CCDC171: variants seen among roughly 807,000 people sequenced by gnomAD.
CCDC171 encodes coiled-coil domain containing 171.
A neutral mutation model predicts 168.2 loss-of-function variants in CCDC171; 177 were observed. That is an observed-to-expected ratio of 1.05 (90% CI 0.93 to 1.19). The LOEUF is 1.19. Ranked by LOEUF, CCDC171 falls within the 50% of genes most tolerant of loss-of-function variation. The probability of loss-of-function intolerance (pLI) is 0.00; values close to 1 mark genes in which losing one functional copy is unlikely to be tolerated. For missense variants in CCDC171, 1,991 were observed against 1,539.0 expected (o/e 1.29, Z -4.91); for synonymous variants, 687 against 540.8 (o/e 1.27, Z -3.75).
At position 15,678,789 on chromosome 9, in the gene CCDC171, A is replaced by G. The variant is rs1190741022; in HGVS notation, c.1108A>G (p.Lys370Glu). 5 of 1,591,512 alleles carry G rather than the reference A, an allele frequency of 3.1e-6. No homozygotes were observed. In the South Asian group the frequency reaches 5.8e-5, roughly 19 times the overall value. The change falls in exon 10 of 26, where the codon AAA becomes GAA. Residue 370 changes from lysine (K) to glutamate (E), a missense_variant. Lys to Glu is a moderately conservative substitution (Grantham distance 56, BLOSUM62 1). Transcript: ENST00000380701. Reference protein sequence around the residue: ...LEKEYFSKNKKLNEDIEEQKK... With the variant: ...LEKEYFSKNKELNEDIEEQKK... ...AAAAGAGTATTTCTCCAAAAATAAGAAACTAAATGAAGACATCGAGGAACA... is the reference window on the plus strand; with the variant it reads ...AAAAGAGTATTTCTCCAAAAATAAGGAACTAAATGAAGACATCGAGGAACA...
intron 23 of CCDC171, among the ~76,000 whole-genome samples, chr9:15,860,749 C>T (rs547126155): frequency 6.6e-6 from 1 of 151,928 alleles, no homozygotes; most frequent in South Asian, 2.1e-4. Context: ...GAACGGTCTA[C>T]GTATGTTCAT....
rs549899489 is a variant in CCDC171 at position 15,637,345 on chromosome 9, G to A, written c.822+13932G>A. ...TTAAGGTGTGGTTGTGCACAACCCG[G>A]TATTGACTTTTTTCTGTAAAATACT... On this transcript the variant is annotated intron_variant, in intron 7 of 25. Coordinates refer to ENST00000380701, the MANE Select transcript of CCDC171 (RefSeq NM_173550.4). 1.4e-3 allele frequency among the ~76,000 whole-genome samples: 210 copies of A among 152,056 alleles called. 1 individual carries two copies. The highest frequency in any genetic ancestry group is 4.3e-3 in the African/African-American group (180 of 41,468).
In CCDC171 at chr9:15,821,748, G is replaced by A. The variant is rs369352935; in HGVS notation, c.3268-24954G>A. 1.7e-5 allele frequency among the ~76,000 whole-genome samples: 2 copies of A among 116,580 alleles called. 1 individual carries two copies. Among genetic ancestry groups the A allele is most frequent in the Non-Finnish European group, 3.8e-5 (2 of 52,182 alleles). The allele number at this position is 116,580 out of a possible 152,430, so 76.5% of individuals were successfully genotyped here. A position where few individuals can be genotyped will look rare whatever the true frequency, so the allele number is the denominator to read the frequency against. On this transcript the variant is annotated intron_variant, in intron 21 of 25. Coordinates refer to ENST00000380701, the MANE Select transcript of CCDC171 (RefSeq NM_173550.4). ...GGGAAGAATCAATATCGTGAAAATGGCCATACTGCCCAAGGTAATTTATAC... is the reference window on the plus strand; with the variant it reads ...GGGAAGAATCAATATCGTGAAAATGACCATACTGCCCAAGGTAATTTATAC...
downstream of CCDC171, among the ~76,000 whole-genome samples, chr9:15,977,698 ATGT>A (rs1047905513): frequency 6.6e-6 from 1 of 152,150 alleles, no homozygotes; most frequent in Non-Finnish European, 1.5e-5. Flanking sequence ...GGCTCCAGAA[ATGT>A]TGTGCGGCTA....
chr9:15,623,435 T>G (rs1245542807), intron 7 of CCDC171, 22 bp downstream of exon 7: 1 of 1,520,260 alleles, frequency 6.6e-7, no homozygotes, highest in Admixed American at 1.8e-5. Flanking sequence ...CATTCCTTTA[T>G]AATATATATG....
At position 15,913,958 on chromosome 9, in the gene CCDC171, G is replaced by A. The variant is rs1824098574; in HGVS notation, c.3601-6312G>A. ...TCCACTCCAGACCCTGTTTGCCTAG[G>A]TATCACCAACAGAGGCTGCAGAACA... On this transcript the variant is annotated intron_variant, in intron 24 of 25. Transcript: ENST00000380701. Among the ~76,000 whole-genome samples, 3 of 152,198 alleles carry A rather than the reference G, an allele frequency of 2.0e-5. No homozygotes were observed. The South Asian group carries it at 6.2e-4, about 31-fold the overall frequency.
intron 24 of CCDC171, among the ~76,000 whole-genome samples, chr9:15,880,839 GA>G: frequency 6.6e-6 from 1 of 152,122 alleles, no homozygotes; most frequent in African/African-American, 2.4e-5. Flanking sequence ...TTGTGGAATC[GA>G]AAATAATGTT....
At chr9:15,874,000 GCAAA>G (rs1817522881) in intron 23 of CCDC171, among the ~76,000 whole-genome samples, 1 of 152,164 alleles carries the variant, frequency 6.6e-6, no homozygotes, top group East Asian at 1.9e-4. Context: ...AGTGAAAAGG[GCAAA>G]CAAACCTCTT....
chr9:15,913,430 T>C lies in CCDC171; in HGVS notation c.3601-6840T>C, dbSNP rs534310806. ...TGATTCTTGTCTCTTTTCTTCTTTA[T>C]TTGTTTGGCTGGCAGCGTATATATT... On this transcript the variant is annotated intron_variant, in intron 24 of 25. Coordinates refer to ENST00000380701, the MANE Select transcript of CCDC171 (RefSeq NM_173550.4). Among the ~76,000 whole-genome samples, 3 of 152,326 alleles carry C rather than the reference T, an allele frequency of 2.0e-5. No homozygotes were observed. The South Asian group carries it at 6.2e-4, about 32-fold the overall frequency.
At chr9:15,857,089 G>A (rs948087072) in intron 23 of CCDC171, among the ~76,000 whole-genome samples, 1 of 151,922 alleles carries the variant, frequency 6.6e-6, no homozygotes, top group African/African-American at 2.4e-5. Context: ...GTTGTATAGA[G>A]TTTAGAAATT....
At chr9:15,772,987 C>G (rs1344243559) in intron 18 of CCDC171, among the ~76,000 whole-genome samples, 1 of 151,734 alleles carries the variant, frequency 6.6e-6, no homozygotes, top group Non-Finnish European at 1.5e-5. Context: ...TATTATTAAC[C>G]TTATTATTAA....
At chr9:16,036,702 C>T (rs1369695570) in intron 8 of CCDC171, among the ~76,000 whole-genome samples, 1 of 152,208 alleles carries the variant, frequency 6.6e-6, no homozygotes, top group Non-Finnish European at 1.5e-5. Flanking sequence ...CAAAAATTCT[C>T]TCAGTTGTCA....
chr9:15,692,129 G>A (rs753109674), intron 10 of CCDC171, among the ~76,000 whole-genome samples: 3 of 152,078 alleles, frequency 2.0e-5, no homozygotes, highest in Non-Finnish European at 4.4e-5. Flanking sequence ...TAATCTCAAC[G>A]CTTTGGGAGA....
chr9:15,927,577 A>G (rs1826031502), intron 25 of CCDC171, among the ~76,000 whole-genome samples: 1 of 151,760 alleles, frequency 6.6e-6, no homozygotes, highest in African/African-American at 2.4e-5. Flanking sequence ...TAAATAATAA[A>G]TTACAATGCA....
chr9:15,961,534 T>C (rs936810044), intron 25 of CCDC171, among the ~76,000 whole-genome samples: 11 of 152,192 alleles, frequency 7.2e-5, no homozygotes, highest in African/African-American at 2.7e-4. Flanking sequence ...GTTTACTCAA[T>C]GTAAAACTGT....
chr9:15,632,254 T>C (rs2045777656), intron 7 of CCDC171, among the ~76,000 whole-genome samples: 1 of 149,924 alleles, frequency 6.7e-6, no homozygotes, highest in Admixed American at 6.8e-5. Context: ...GACAACATGA[T>C]TGTATATCTA....
At chr9:15,583,871 C>A (rs2041340166) in intron 4 of CCDC171, among the ~76,000 whole-genome samples, 2 of 151,946 alleles carry the variant, frequency 1.3e-5, no homozygotes, top group Admixed American at 1.3e-4. Context: ...ATATAATTTT[C>A]TTTTTTTCTT....
At chr9:15,571,858 C>CGTAT in intron 3 of CCDC171, 99 bp downstream of exon 3, 1 of 1,073,554 alleles carries the variant, frequency 9.3e-7, no homozygotes, top group Middle Eastern at 2.6e-4. Flanking sequence ...TATAACTATA[C>CGTAT]CATTCTTGGG....
Position 15,777,745 on chromosome 9 carries a change from G to A in CCDC171, c.2817G>A (p.Leu939=), listed in dbSNP as rs1158180721. 6.2e-7 allele frequency: 1 copy of A among 1,613,984 alleles called. No individual in the cohort carries two copies. Among genetic ancestry groups the A allele is most frequent in the Non-Finnish European group, 8.5e-7 (1 of 1,179,996 alleles). Residue 939 remains leucine (L), a synonymous_variant, in exon 19 of 26, where the codon CTG becomes CTA. Coordinates refer to ENST00000380701, the MANE Select transcript of CCDC171 (RefSeq NM_173550.4). ...TTACATATGTAGAAAAAGATTCCCT[G>A]GTTCAGAGGCTGGCCCATGGACTTC... The part of the protein sequence containing the change: ...RSITYVEKDS[L]VQRLAHGLHK...
Sources: gnomAD v4.1 joint callset for allele counts (sites outside exome capture counted in the v4.1 genomes callset) on GRCh38, gnomAD v4.1.1 for gene constraint, MANE v1.5 for transcripts, NCBI Gene and HGNC (gene_info 2026-07-23, HGNC 2026-07-21) for gene names.